The following RYK variants were observed in gnomAD, a reference collection of about 807,000 sequenced individuals.
RYK encodes the protein inactive tyrosine-protein kinase RYK.
In RYK, 21 loss-of-function variants were observed where a neutral mutation model predicts 70.2. The observed-to-expected ratio is 0.30, with a 90% confidence interval of 0.21 to 0.43. The LOEUF (loss-of-function observed/expected upper bound fraction) is 0.43, where lower values mean the gene tolerates loss of function less well. Among genes scored for constraint, RYK ranks in the 20% least tolerant of loss-of-function variants. The pLI is 1.00. For missense variants in RYK, 604 were observed against 753.3 expected (o/e 0.80, Z 2.32); for synonymous variants, 267 against 278.0 (o/e 0.96, Z 0.39).
At chr3:134,190,807 T>C (rs1489397955) in intron 8 of RYK, among the ~76,000 whole-genome samples, 1 of 152,212 alleles carries the variant, frequency 6.6e-6, no homozygotes, top group Non-Finnish European at 1.5e-5. Context: ...CAAAAGAAAC[T>C]GCAAATATAA....
rs2012279107 is a variant in RYK, at chr3:134,157,349, T to C, written c.*804A>G. The C allele has an allele frequency of 6.6e-6, 1 of 152,320 alleles. No individual in the cohort carries two copies. Among genetic ancestry groups the C allele is most frequent in the African/African-American group, 2.4e-5 (1 of 41,466 alleles). 9.4% of individuals were successfully genotyped at this position (152,320 alleles called of 1,614,324 possible). On this transcript the variant is annotated 3_prime_UTR_variant, in exon 15 of 15. Coordinates refer to ENST00000623711, the MANE Select transcript of RYK (RefSeq NM_002958.4). ...TATGAGTTCACTTTCTGGAATTGTA[T>C]TATCTCCTTTTCCAGAGAGTAAAAA... is the stretch of plus-strand genomic sequence containing the variant.
Position 134,236,288 on chromosome 3 carries a change from T to G in RYK, c.233-13749A>C, listed in dbSNP as rs1161855019. Among the ~76,000 whole-genome samples the G allele has an allele frequency of 2.5e-4, 38 of 152,160 alleles. 1 individual carries two copies. The highest frequency in any genetic ancestry group is 7.4e-5 in the Non-Finnish European group (5 of 67,978). Reference sequence around the variant, plus strand: ...TCCAAGTAGGAAAGGAGAGGTATAATGCATAATAAGAGCTGGTCCCTCAAT... The same window carrying G: ...TCCAAGTAGGAAAGGAGAGGTATAAGGCATAATAAGAGCTGGTCCCTCAAT... On this transcript the variant is annotated intron_variant, in intron 1 of 14. Coordinates refer to ENST00000623711, the MANE Select transcript of RYK (RefSeq NM_002958.4).
At chr3:134,218,496 A>G (rs1031131594) in intron 2 of RYK, among the ~76,000 whole-genome samples, 1 of 152,242 alleles carries the variant, frequency 6.6e-6, no homozygotes, top group Non-Finnish European at 1.5e-5. Flanking sequence ...AGAAGAGGTG[A>G]CAACAGGTCA....
intron 13 of RYK, among the ~76,000 whole-genome samples, chr3:134,162,430 GAGCAAAGTCC>G (rs202049381): frequency 0.012 from 1,884 of 152,204 alleles, 49 homozygotes; most frequent in African/African-American, 0.043. Flanking sequence ...CATTAACATG[GAGCAAAGTCC>G]AGCCTTGAAG....
Position 134,176,940 on chromosome 3 carries a change from C to T in RYK, c.1306-901G>A, listed in dbSNP as rs1000359476. Among the ~76,000 whole-genome samples, 2 of 151,610 alleles carry T rather than the reference C, an allele frequency of 1.3e-5. 1 individual carries two copies. The highest frequency in any genetic ancestry group is 4.2e-4 in the South Asian group (2 of 4,800). On this transcript the variant is annotated intron_variant, in intron 11 of 14. Coordinates refer to ENST00000623711, the MANE Select transcript of RYK (RefSeq NM_002958.4). The stretch of plus-strand genomic sequence containing the variant: ...GCAGGCGCCTGTAGTCCCAGCTACT[C>T]GGGAGGCTGAGGCAGGAGAACGGCG...
chr3:134,171,536 T>C (rs529249753), intron 13 of RYK, among the ~76,000 whole-genome samples: 8 of 152,352 alleles, frequency 5.3e-5, no homozygotes, highest in African/African-American at 1.9e-4. Flanking sequence ...CGCTTAATTA[T>C]ACAATGGTAT....
intron 10 of RYK, among the ~76,000 whole-genome samples, chr3:134,182,573 T>C (rs1362049654): frequency 2.6e-5 from 4 of 151,992 alleles, no homozygotes. Flanking sequence ...ACACAGAAAA[T>C]ATGGCAAAAT....
intron 1 of RYK, among the ~76,000 whole-genome samples, chr3:134,241,120 A>C (rs2015314077): frequency 6.6e-6 from 1 of 151,384 alleles, no homozygotes; most frequent in Non-Finnish European, 1.5e-5. Context: ...AAATCACTTG[A>C]AGTCAGGAGT....
At chr3:134,190,150 T>C (rs1304141510) in intron 8 of RYK, among the ~76,000 whole-genome samples, 1 of 152,212 alleles carries the variant, frequency 6.6e-6, no homozygotes, top group Non-Finnish European at 1.5e-5. Flanking sequence ...ATAATCTTCA[T>C]TTAAGACATT....
At chr3:134,229,406 T>C (rs1053240407) in intron 1 of RYK, among the ~76,000 whole-genome samples, 15 of 134,326 alleles carry the variant, frequency 1.1e-4, no homozygotes, top group Non-Finnish European at 2.0e-4. Flanking sequence ...AAACGTAGGA[T>C]AGAAAATCTT....
intron 5 of RYK, among the ~76,000 whole-genome samples, chr3:134,206,264 T>C (rs1467593657): frequency 6.6e-6 from 1 of 152,188 alleles, no homozygotes; most frequent in Non-Finnish European, 1.5e-5. Flanking sequence ...TATGGACTAT[T>C]CTTACCAAAA....
intron 10 of RYK, 57 bp downstream of exon 10, chr3:134,182,945 T>C: frequency 9.7e-7 from 1 of 1,033,150 alleles, no homozygotes; most frequent in Non-Finnish European, 1.4e-6. Flanking sequence ...CACATAAAAA[T>C]GTGGCATCAA....
intron 1 of RYK, among the ~76,000 whole-genome samples, chr3:134,239,081 T>C (rs1179690910): frequency 1.3e-5 from 2 of 152,124 alleles, no homozygotes; most frequent in South Asian, 4.2e-4. Context: ...ATGCAGGGTA[T>C]GGAGCTATGG....
At chr3:134,175,447 T>C (rs2013065393) in intron 13 of RYK, among the ~76,000 whole-genome samples, 162 bp downstream of exon 13, 1 of 152,118 alleles carries the variant, frequency 6.6e-6, no homozygotes, top group Admixed American at 6.5e-5. Context: ...CTCCTCTCCA[T>C]AAACTGGTTG....
At chr3:134,164,130 C>CA (rs751371201) in intron 13 of RYK, among the ~76,000 whole-genome samples, 17 of 152,184 alleles carry the variant, frequency 1.1e-4, no homozygotes, top group Non-Finnish European at 2.2e-4. Context: ...GCCACCATGA[C>CA]AGGCCTGGAT....
intron 1 of RYK, among the ~76,000 whole-genome samples, chr3:134,249,407 C>T (rs916208394): frequency 2.6e-5 from 4 of 152,008 alleles, no homozygotes; most frequent in African/African-American, 9.7e-5. Context: ...ATAATGGATG[C>T]AATAGAGAAT....
chr3:134,209,296 A>T (rs1330906993), intron 4 of RYK, among the ~76,000 whole-genome samples: 1 of 152,220 alleles, frequency 6.6e-6, no homozygotes, highest in African/African-American at 2.4e-5. Context: ...TGAAAAGAGC[A>T]GAGCTGCCAT....
intron 10 of RYK, chr3:134,180,443 A>G (rs1394411345): frequency 1.3e-5 from 2 of 152,230 alleles, no homozygotes; most frequent in Non-Finnish European, 2.9e-5. Flanking sequence ...AACATGCTGT[A>G]TTACATACCA....
chr3:134,239,750 AT>A (rs1293928875), intron 1 of RYK, among the ~76,000 whole-genome samples: 1 of 152,242 alleles, frequency 6.6e-6, no homozygotes, highest in Non-Finnish European at 1.5e-5. Context: ...AAAAGTGTCT[AT>A]TCAAACAGAA....
Sources: gnomAD v4.1 joint callset for allele counts (sites outside exome capture counted in the v4.1 genomes callset) on GRCh38, gnomAD v4.1.1 for gene constraint, MANE v1.5 for transcripts, NCBI Gene and HGNC (gene_info 2026-07-23, HGNC 2026-07-21) for gene names.